TDP1: variants seen among roughly 807,000 people sequenced by gnomAD.
The protein encoded by TDP1 is tyrosyl-DNA phosphodiesterase 1, also known as tyr-DNA phosphodiesterase 1.
Under a neutral mutation model 81.5 loss-of-function variants are expected in TDP1, and 64 were observed. The observed-to-expected ratio is 0.79, with a 90% CI of 0.64 to 0.97. TDP1 has a LOEUF of 0.97. Among genes scored for constraint, TDP1 ranks in the 50% least tolerant of loss-of-function variants. TDP1 has a pLI of 0.00. For missense variants in TDP1, 723 were observed against 743.8 expected, an observed-to-expected ratio of 0.97 and a Z score of 0.33; for synonymous variants, 256 against 264.3, an observed-to-expected ratio of 0.97 and a Z score of 0.30.
chr14:89,996,527 T>A (rs949579825), intron 14 of TDP1, among the ~76,000 whole-genome samples: 3 of 152,200 alleles, frequency 2.0e-5, no homozygotes, highest in African/African-American at 7.2e-5. Context: ...CCTGTCCAGA[T>A]CCTTAGATCC....
At chr14:90,005,191 C>T (rs1897553702) in intron 14 of TDP1, among the ~76,000 whole-genome samples, 1 of 152,134 alleles carries the variant, frequency 6.6e-6, no homozygotes, top group Non-Finnish European at 1.5e-5. Flanking sequence ...TTTGTTTCTG[C>T]TTTCTAGGCC....
At chr14:90,037,642 A>G in intron 16 of TDP1, among the ~76,000 whole-genome samples, 1 of 152,168 alleles carries the variant, frequency 6.6e-6, no homozygotes. Context: ...CCTCTCTCAT[A>G]TCAATTTTTC....
chr14:89,988,653 T>G, intron 10 of TDP1: 1 of 981,526 alleles, frequency 1.0e-6, no homozygotes, highest in Non-Finnish European at 1.2e-6. Flanking sequence ...CTGTTTTTGC[T>G]TTTAGTACAA....
rs1230408227 is a variant in TDP1 at position 90,022,120 on chromosome 14, A to C, written c.1644+2702A>C. Among the ~76,000 whole-genome samples the C allele has an allele frequency of 2.6e-5, 4 of 152,320 alleles. No homozygotes were observed. The East Asian group carries it at 7.7e-4, about 29-fold the overall frequency. ...CATAGGCTAGTTGGGCAGGGTGGTC[A>C]TAGAGTCAGATGGCCACCTGATACA... On this transcript the variant is annotated intron_variant, in intron 15 of 16. Transcript: ENST00000335725.
At chr14:90,040,302 C>T (rs888496761) in intron 16 of TDP1, among the ~76,000 whole-genome samples, 1 of 152,214 alleles carries the variant, frequency 6.6e-6, no homozygotes, top group African/African-American at 2.4e-5. Context: ...TTCCCATCCC[C>T]GTAGCCTTGA....
chr14:90,013,467 T>G (rs1596642048), intron 14 of TDP1, among the ~76,000 whole-genome samples: 1 of 152,190 alleles, frequency 6.6e-6, no homozygotes, highest in East Asian at 1.9e-4. Flanking sequence ...GCACACGCTC[T>G]CTTGCCTGCC....
intron 10 of TDP1, among the ~76,000 whole-genome samples, chr14:89,988,280 T>G (rs2140113738): frequency 6.6e-6 from 1 of 152,288 alleles, no homozygotes; most frequent in Admixed American, 6.5e-5. Context: ...GCATGGTTGA[T>G]TACATCACTG....
At chr14:89,989,213 T>A in intron 11 of TDP1, 123 bp downstream of exon 11, 1 of 1,135,800 alleles carries the variant, frequency 8.8e-7, no homozygotes. Flanking sequence ...TTTTTTGGCG[T>A]GGCGGGGGCG....
chr14:90,015,628 A>G (rs1220983200), intron 14 of TDP1, among the ~76,000 whole-genome samples: 1 of 152,218 alleles, frequency 6.6e-6, no homozygotes, highest in African/African-American at 2.4e-5. Context: ...ATGGCCAGGT[A>G]CCGGTGAGGG....
intron 6 of TDP1, among the ~76,000 whole-genome samples, chr14:89,974,360 A>G (rs1054739853): frequency 2.6e-5 from 4 of 152,238 alleles, no homozygotes; most frequent in African/African-American, 9.6e-5. Flanking sequence ...TTCTCAGCTA[A>G]ATATCAGTTT....
chr14:89,960,768 C>T (rs566247146), intron 2 of TDP1, among the ~76,000 whole-genome samples: 2 of 152,292 alleles, frequency 1.3e-5, no homozygotes, highest in South Asian at 4.1e-4. Context: ...GTGTAATTTA[C>T]AGAAGGCTTG....
chr14:90,037,612 A>G (rs1887954562), intron 16 of TDP1, among the ~76,000 whole-genome samples: 2 of 152,194 alleles, frequency 1.3e-5, no homozygotes, highest in Non-Finnish European at 1.5e-5. Context: ...CTGAATGTCA[A>G]TATTTTATCA....
rs73328448 is a variant in TDP1 at position 90,014,287 on chromosome 14, A to G, written c.1542-5029A>G. Among the ~76,000 whole-genome samples, 587 of 152,312 alleles carry G rather than the reference A, an allele frequency of 3.9e-3. 2 individuals are homozygous for G. The highest frequency in any genetic ancestry group is 0.014 in the African/African-American group (567 of 41,558). On this transcript the variant is annotated intron_variant, in intron 14 of 16. Coordinates refer to ENST00000335725, the MANE Select transcript of TDP1 (RefSeq NM_018319.4). Reference sequence around the variant, plus strand: ...ACAACTTGAATCTTTTACAGTGAGAATATCTTTACATATCACTTGTGAAAT... The same window carrying G: ...ACAACTTGAATCTTTTACAGTGAGAGTATCTTTACATATCACTTGTGAAAT...
At chr14:90,005,967 G>A (rs779311547) in intron 14 of TDP1, among the ~76,000 whole-genome samples, 48 of 152,250 alleles carry the variant, frequency 3.2e-4, no homozygotes, top group Non-Finnish European at 6.2e-4. Context: ...TCCATCTGTG[G>A]GATCAAGAAT....
chr14:89,974,929 T>C (rs1204745230), intron 6 of TDP1, among the ~76,000 whole-genome samples: 1 of 152,260 alleles, frequency 6.6e-6, no homozygotes, highest in East Asian at 1.9e-4. Flanking sequence ...TCTATATACA[T>C]ACCCTCCATT....
Position 90,011,154 on chromosome 14 carries a change from C to T in TDP1, c.1542-8162C>T, listed in dbSNP as rs112096519. Among the ~76,000 whole-genome samples, 810 of 152,294 alleles carry T rather than the reference C, an allele frequency of 5.3e-3. 6 individuals are homozygous for T. Among genetic ancestry groups the T allele is most frequent in the African/African-American group, 0.018 (740 of 41,550 alleles). On this transcript the variant is annotated intron_variant, in intron 14 of 16. Coordinates refer to ENST00000335725, the MANE Select transcript of TDP1 (RefSeq NM_018319.4). ...GTAAGGCATGCCTTTGCTCCTCCTTCGCCTGCTGCCATGATTGTGAAGCAT... is the reference window on the plus strand; with the variant it reads ...GTAAGGCATGCCTTTGCTCCTCCTTTGCCTGCTGCCATGATTGTGAAGCAT...
At chr14:90,029,589 C>T (rs1887050850) in intron 15 of TDP1, among the ~76,000 whole-genome samples, 1 of 150,420 alleles carries the variant, frequency 6.6e-6, no homozygotes, top group African/African-American at 2.5e-5. Flanking sequence ...ACCTCTGCCT[C>T]CTGGATTCCA....
intron 16 of TDP1, among the ~76,000 whole-genome samples, chr14:90,038,001 T>G (rs1887994147): frequency 6.6e-6 from 1 of 152,218 alleles, no homozygotes; most frequent in Non-Finnish European, 1.5e-5. Flanking sequence ...CGTTTCTTTA[T>G]AATTAGACCC....
Position 90,038,792 on chromosome 14 carries a change from C to T in TDP1, c.1754-4278C>T, listed in dbSNP as rs146791231. Reference sequence around the variant, plus strand: ...GGTGGAGGTTGCAGTGAGCTGAGATCGTGTCACTGCACTTCAGCCCGGGTG... The same window carrying T: ...GGTGGAGGTTGCAGTGAGCTGAGATTGTGTCACTGCACTTCAGCCCGGGTG... On this transcript the variant is annotated intron_variant, in intron 16 of 16. Coordinates refer to ENST00000335725, the MANE Select transcript of TDP1 (RefSeq NM_018319.4). 4.9e-3 allele frequency among the ~76,000 whole-genome samples: 743 copies of T among 151,724 alleles called. 12 individuals are homozygous for T. The highest frequency in any genetic ancestry group is 4.1e-3 in the Admixed American group (62 of 15,240).
Sources: allele counts gnomAD v4.1 joint callset (sites outside exome capture counted in the v4.1 genomes callset), GRCh38; gene constraint gnomAD v4.1.1; transcripts MANE v1.5; gene names NCBI Gene and HGNC (gene_info 2026-07-23, HGNC 2026-07-21).